The following DMD variants were observed in gnomAD, a reference collection of about 807,000 sequenced individuals.
DMD encodes dystrophin, also known as mutant dystrophin.
In DMD, 63 loss-of-function variants were observed where a neutral mutation model predicts 330.1. The ratio of observed to expected loss-of-function variants is 0.19; its 90% CI spans 0.16 to 0.24. The LOEUF is 0.24. Among genes scored for constraint, DMD ranks in the 10% least tolerant of loss-of-function variants. The probability of loss-of-function intolerance (pLI) is 1.00; values close to 1 mark genes in which losing one functional copy is unlikely to be tolerated. For missense variants in DMD, 3,344 were observed against 2,684.1 expected, an observed-to-expected ratio of 1.25 and a Z score of -5.43; for synonymous variants, 1,223 against 959.8, an observed-to-expected ratio of 1.27 and a Z score of -5.07.
At chrX:33,095,911 T>G (rs897680993) in intron 1 of DMD, among the ~76,000 whole-genome samples, 1 of 107,409 alleles carries the variant, frequency 9.3e-6, no homozygotes, top group Non-Finnish European at 1.9e-5. Flanking sequence ...TTTAACAACA[T>G]CAAATGTATG....
chrX:31,831,343 AGT>A (rs2093025382), intron 49 of DMD, among the ~76,000 whole-genome samples: 1 of 112,013 alleles, frequency 8.9e-6, no homozygotes, highest in Admixed American at 9.5e-5. Flanking sequence ...TTTCTAAATG[AGT>A]GTGTTATTTT....
chrX:32,120,961 T>C (rs1367967459), intron 44 of DMD, among the ~76,000 whole-genome samples: 2 of 112,369 alleles, frequency 1.8e-5, no homozygotes, highest in Non-Finnish European at 3.8e-5. Flanking sequence ...AAATCCCAAT[T>C]GCAACCTGAT....
At chrX:32,924,693 G>A (rs991771969) in intron 2 of DMD, among the ~76,000 whole-genome samples, 1 of 111,595 alleles carries the variant, frequency 9.0e-6, no homozygotes, top group Non-Finnish European at 1.9e-5. Context: ...CTCTGAAAGA[G>A]TGAGAAAATA....
chrX:32,600,774 T>C (rs1380033327), intron 12 of DMD, among the ~76,000 whole-genome samples: 1 of 110,860 alleles, frequency 9.0e-6, no homozygotes, highest in Admixed American at 9.7e-5. Context: ...AATGCACACA[T>C]AAGGAAAGAC....
intron 42 of DMD, among the ~76,000 whole-genome samples, chrX:32,305,608 T>C (rs1317410109): frequency 9.0e-6 from 1 of 111,527 alleles, no homozygotes; most frequent in Non-Finnish European, 1.9e-5. Flanking sequence ...GATTCTATTA[T>C]TGGTCCCCTA....
At chrX:31,434,088 T>C (rs749445505) in intron 60 of DMD, among the ~76,000 whole-genome samples, 4 of 110,962 alleles carry the variant, frequency 3.6e-5, no homozygotes, top group Non-Finnish European at 7.5e-5. Context: ...ACCAAACACA[T>C]AGCTATAGAT....
At chrX:31,646,777 T>C (rs2080129787) in intron 54 of DMD, among the ~76,000 whole-genome samples, 1 of 112,031 alleles carries the variant, frequency 8.9e-6, no homozygotes, top group South Asian at 3.7e-4. Flanking sequence ...ATTCAGCGTG[T>C]CTCTAAAGGG....
At chrX:31,990,714 T>A (rs2095544332) in intron 44 of DMD, among the ~76,000 whole-genome samples, 1 of 112,072 alleles carries the variant, frequency 8.9e-6, no homozygotes, top group Admixed American at 9.5e-5. Context: ...TACGAAAACA[T>A]TAATAACTCA....
At chrX:31,723,010 G>A (rs1384695869) in intron 52 of DMD, among the ~76,000 whole-genome samples, 1 of 108,751 alleles carries the variant, frequency 9.2e-6, no homozygotes, top group Non-Finnish European at 1.9e-5. Flanking sequence ...TGGCACCACT[G>A]CACTCCAGCC....
intron 30 of DMD, among the ~76,000 whole-genome samples, chrX:32,403,166 T>C (rs2098096597): frequency 8.9e-6 from 1 of 112,009 alleles, no homozygotes; most frequent in Non-Finnish European, 1.9e-5. Context: ...AAACATAGTA[T>C]GTTATGCTAA....
At chrX:33,338,362 C>T (rs1438182006) in intron 1 of DMD, among the ~76,000 whole-genome samples, 1 of 109,892 alleles carries the variant, frequency 9.1e-6, no homozygotes, top group East Asian at 2.9e-4. Context: ...AATTATAATC[C>T]ACTGATTGTA....
At position 31,887,288 on chromosome X, in the gene DMD, G is replaced by A. The variant is rs188172357; in HGVS notation, c.6913-11915C>T. On this transcript the variant is annotated intron_variant, in intron 47 of 78. Transcript: ENST00000357033. ...CTTTGAAAGTAAGTGGGATGATAGA[G>A]CCCTATTTTCCTTGCCACTATCAAA... Among the ~76,000 whole-genome samples the A allele has an allele frequency of 9.9e-4, 111 of 112,120 alleles. 1 individual carries two copies. Among genetic ancestry groups the A allele is most frequent in the African/African-American group, 3.5e-3 (107 of 30,946 alleles).
At chrX:32,662,185 G>T (rs192658597) in intron 9 of DMD, among the ~76,000 whole-genome samples, 14 of 111,233 alleles carry the variant, frequency 1.3e-4, no homozygotes, top group African/African-American at 4.2e-4. Flanking sequence ...ATTCTATTTG[G>T]AAGTTTTTAT....
At chrX:33,239,085 C>T (rs112330896) in intron 1 of DMD, among the ~76,000 whole-genome samples, 159 of 107,688 alleles carry the variant, frequency 1.5e-3, no homozygotes, top group Non-Finnish European at 2.5e-3. Context: ...GGTGAAACAC[C>T]GTCTCTACTA....
intron 62 of DMD, among the ~76,000 whole-genome samples, chrX:31,271,100 T>G (rs1882261): frequency 9.0e-6 from 1 of 110,566 alleles, no homozygotes; most frequent in African/African-American, 3.3e-5. Context: ...GATTCTAATA[T>G]GCAGTGAAGG....
intron 20 of DMD, among the ~76,000 whole-genome samples, chrX:32,490,779 T>A (rs1177480191): frequency 8.9e-6 from 1 of 112,011 alleles, no homozygotes; most frequent in Non-Finnish European, 1.9e-5. Context: ...AGCTACATTT[T>A]AAAAATATCT....
intron 1 of DMD, among the ~76,000 whole-genome samples, chrX:33,127,851 G>A (rs2095474737): frequency 9.0e-6 from 1 of 111,161 alleles, no homozygotes; most frequent in South Asian, 3.8e-4. Context: ...TTAGATACCT[G>A]AAGACAAAGT....
chrX:33,111,655 C>G (rs780581825), intron 1 of DMD, among the ~76,000 whole-genome samples: 1 of 111,744 alleles, frequency 8.9e-6, no homozygotes, highest in African/African-American at 3.3e-5. Flanking sequence ...AGGCTCGATT[C>G]GAGTGCGATG....
chrX:32,886,640 G>A (rs931986670), intron 2 of DMD, among the ~76,000 whole-genome samples: 4 of 110,258 alleles, frequency 3.6e-5, no homozygotes, highest in Non-Finnish European at 7.6e-5. Flanking sequence ...CCGAGATCGC[G>A]CCACTGCACT....
Sources: allele counts gnomAD v4.1 joint callset (sites outside exome capture counted in the v4.1 genomes callset), GRCh38; gene constraint gnomAD v4.1.1; transcripts MANE v1.5; gene names NCBI Gene and HGNC (gene_info 2026-07-23, HGNC 2026-07-21).